The following IRAK2 variants were observed in gnomAD, a reference collection of about 807,000 sequenced individuals.
IRAK2 encodes the protein interleukin-1 receptor-associated kinase-like 2.
In IRAK2, 57 loss-of-function variants were observed where a neutral mutation model predicts 72.0. That is an observed-to-expected ratio of 0.79 (90% confidence interval 0.64 to 0.99). The LOEUF is 0.99. Among genes scored for constraint, IRAK2 ranks in the 50% least tolerant of loss-of-function variants. The probability of loss-of-function intolerance (pLI) is 0.00; values close to 1 mark genes in which losing one functional copy is unlikely to be tolerated. For synonymous variants in IRAK2, 293 were observed against 312.7 expected (o/e 0.94, Z 0.67); for missense variants, 790 against 794.4 (o/e 0.99, Z 0.07).
In IRAK2 at chr3:10,213,198, G is replaced by T. The variant is rs1345672555; in HGVS notation, c.529-9G>T. On this transcript the variant is annotated splice_polypyrimidine_tract_variant and intron_variant, in intron 4 of 12. Coordinates refer to ENST00000256458, the MANE Select transcript of IRAK2 (RefSeq NM_001570.4). Reference sequence around the variant, plus strand: ...TAGTAATCTCCATCTCTTCTCTCTGGGTCTCCAGGACTTCAGCACCTCCAT... The same window carrying T: ...TAGTAATCTCCATCTCTTCTCTCTGTGTCTCCAGGACTTCAGCACCTCCAT... 4 of 1,612,120 alleles carry T rather than the reference G, an allele frequency of 2.5e-6. No individual in the cohort carries two copies. Among genetic ancestry groups the T allele is most frequent in the Non-Finnish European group, 3.4e-6 (4 of 1,178,642 alleles).
intron 2 of IRAK2, among the ~76,000 whole-genome samples, chr3:10,195,571 A>G (rs1018524209): frequency 2.7e-5 from 4 of 150,356 alleles, no homozygotes; most frequent in African/African-American, 9.8e-5. Context: ...AAGGAACAGG[A>G]CACTGAAGTT....
At chr3:10,209,998 C>T (rs1043541932) in intron 4 of IRAK2, among the ~76,000 whole-genome samples, 2 of 152,128 alleles carry the variant, frequency 1.3e-5, no homozygotes, top group Non-Finnish European at 2.9e-5. Flanking sequence ...CGGGTCACTG[C>T]AACCTCCGCT....
In IRAK2 at chr3:10,242,321, G is replaced by T. The variant is rs1698073931; in HGVS notation, c.*93G>T. Reference sequence around the variant, plus strand: ...CTGAGGCAGAATCCAAGATCTGCCAGGAAACACACAACAAAACATCTGCTG... The same window carrying T: ...CTGAGGCAGAATCCAAGATCTGCCATGAAACACACAACAAAACATCTGCTG... On this transcript the variant is annotated 3_prime_UTR_variant, in exon 13 of 13. Coordinates refer to ENST00000256458, the MANE Select transcript of IRAK2 (RefSeq NM_001570.4). 1.5e-6 allele frequency: 1 copy of T among 679,332 alleles called. No individual in the cohort carries two copies. The highest frequency in any genetic ancestry group is 2.8e-5 in the East Asian group (1 of 35,788). 42.1% of individuals were successfully genotyped at this position (679,332 alleles called of 1,614,324 possible). A position where few individuals can be genotyped will look rare whatever the true frequency, so the allele number is the denominator to read the frequency against.
chr3:10,216,856 A>C, intron 6 of IRAK2, 78 bp from the exon 7 acceptor site: 1 of 1,068,140 alleles, frequency 9.4e-7, no homozygotes, highest in Non-Finnish European at 1.4e-6. Context: ...AGGAGAGGGC[A>C]GAAGAGGGGT....
At chr3:10,187,626 T>A (rs1369412528) in intron 2 of IRAK2, among the ~76,000 whole-genome samples, 1 of 152,236 alleles carries the variant, frequency 6.6e-6, no homozygotes, top group Non-Finnish European at 1.5e-5. Flanking sequence ...TATCACTGCC[T>A]CTGCCTTTGG....
In IRAK2 at chr3:10,234,677, C is replaced by T; in HGVS notation, c.1473+18C>T. ...TGCAGGAGGTGAGCCTCGCCCGCAG[C>T]GGCCTCGCTGCCTGGGCCACGCGTG... On this transcript the variant is annotated intron_variant, in intron 11 of 12. Coordinates refer to ENST00000256458, the MANE Select transcript of IRAK2 (RefSeq NM_001570.4). The T allele has an allele frequency of 6.2e-7, 1 of 1,606,324 alleles. No homozygotes were observed. The highest frequency in any genetic ancestry group is 8.5e-7 in the Non-Finnish European group (1 of 1,175,678).
At chr3:10,232,379 A>G (rs1400708541) in intron 10 of IRAK2, among the ~76,000 whole-genome samples, 1 of 152,136 alleles carries the variant, frequency 6.6e-6, no homozygotes, top group Non-Finnish European at 1.5e-5. Flanking sequence ...TGTCAAGAAC[A>G]CTTCCTGGAG....
intron 2 of IRAK2, among the ~76,000 whole-genome samples, chr3:10,186,975 T>G (rs1033022113): frequency 3.3e-5 from 5 of 150,866 alleles, no homozygotes; most frequent in Non-Finnish European, 5.9e-5. Context: ...AACTTTTTTT[T>G]TTTTTTTCAG....
intron 10 of IRAK2, among the ~76,000 whole-genome samples, chr3:10,228,995 G>T (rs942739807): frequency 1.9e-4 from 28 of 151,298 alleles, no homozygotes; most frequent in African/African-American, 6.6e-4. Context: ...TGCAGTGGGC[G>T]TGATCTTGGC....
At position 10,206,560 on chromosome 3, in the gene IRAK2, G is replaced by GTTTT. The variant is rs553797701; in HGVS notation, c.425-3026_425-3023dup. On this transcript the variant is annotated intron_variant, in intron 3 of 12. Transcript: ENST00000256458. ...TCAGTCTCGTGAAATAAAATTTTTT[G>GTTTT]TTTTTTGTTTTTTGAGACTGAGTCT... is the stretch of plus-strand genomic sequence containing the variant. Among the ~76,000 whole-genome samples the GTTTT allele has an allele frequency of 2.4e-3, 372 of 152,238 alleles. 1 individual carries two copies. Among genetic ancestry groups the GTTTT allele is most frequent in the African/African-American group, 8.3e-3 (345 of 41,572 alleles).
Position 10,242,463 on chromosome 3 carries a change from G to GC in IRAK2, c.*236dup. On this transcript the variant is annotated 3_prime_UTR_variant, in exon 13 of 13. Transcript: ENST00000256458. ...TCCTTTCTGGGCTTTGTTAGTCAGA[G>GC]CAGGGGATCAGAGGAGACTGAAGCA... 3.2e-6 allele frequency: 1 copy of GC among 317,030 alleles called. No homozygotes were observed. Among genetic ancestry groups the GC allele is most frequent in the Non-Finnish European group, 5.8e-6 (1 of 171,178 alleles). 19.6% of individuals were successfully genotyped at this position (317,030 alleles called of 1,614,324 possible).
chr3:10,240,613 A>G (rs1698042677), intron 12 of IRAK2, among the ~76,000 whole-genome samples: 1 of 114,122 alleles, frequency 8.8e-6, no homozygotes, highest in Admixed American at 1.3e-4. Flanking sequence ...AGGCTGGAGT[A>G]TAATGGTGTG....
At chr3:10,179,585 C>T (rs1696930625) in intron 2 of IRAK2, among the ~76,000 whole-genome samples, 1 of 152,086 alleles carries the variant, frequency 6.6e-6, no homozygotes. Flanking sequence ...AGATACCCAC[C>T]ACCATGCCCG....
intron 10 of IRAK2, among the ~76,000 whole-genome samples, chr3:10,229,680 T>C (rs1697830209): frequency 6.6e-6 from 1 of 152,212 alleles, no homozygotes; most frequent in African/African-American, 2.4e-5. Flanking sequence ...TTCCTTTTCA[T>C]TGCTGAAGAG....
chr3:10,216,468 G>A (rs1338874339), intron 6 of IRAK2, among the ~76,000 whole-genome samples: 1 of 152,132 alleles, frequency 6.6e-6, no homozygotes, highest in African/African-American at 2.4e-5. Context: ...GAAAGAGGAA[G>A]GCAAAGGAGG....
chr3:10,191,546 C>T (rs566355490), intron 2 of IRAK2, among the ~76,000 whole-genome samples: 3 of 152,322 alleles, frequency 2.0e-5, no homozygotes, highest in South Asian at 2.1e-4. Flanking sequence ...TCAGCCACTA[C>T]GGTCATCCTT....
chr3:10,182,254 C>T (rs1696970865), intron 2 of IRAK2, among the ~76,000 whole-genome samples: 1 of 151,180 alleles, frequency 6.6e-6, no homozygotes, highest in Admixed American at 6.6e-5. Flanking sequence ...CAGGTGTGAG[C>T]CACTGTGCCC....
At chr3:10,203,287 G>A (rs1697390404) in intron 3 of IRAK2, among the ~76,000 whole-genome samples, 1 of 152,200 alleles carries the variant, frequency 6.6e-6, no homozygotes, top group African/African-American at 2.4e-5. Flanking sequence ...GTGAGCCACT[G>A]CACCCAGCCC....
At chr3:10,201,112 A>T (rs1697354159) in intron 3 of IRAK2, among the ~76,000 whole-genome samples, 1 of 152,256 alleles carries the variant, frequency 6.6e-6, no homozygotes, top group African/African-American at 2.4e-5. Context: ...ATAGCTCGGT[A>T]ATTGGAGGCT....
Sources: gnomAD v4.1 joint callset for allele counts (sites outside exome capture counted in the v4.1 genomes callset) on GRCh38, gnomAD v4.1.1 for gene constraint, MANE v1.5 for transcripts, NCBI Gene and HGNC (gene_info 2026-07-23, HGNC 2026-07-21) for gene names.